Variants in TRAT1 observed in about 807,000 individuals in gnomAD.
TRAT1 encodes the protein T cell receptor associated transmembrane adaptor 1.
Under a neutral mutation model 20.0 loss-of-function variants are expected in TRAT1, and 20 were observed. That is an observed-to-expected ratio of 1.00 (90% CI 0.70 to 1.45). TRAT1 has a LOEUF of 1.45. TRAT1 is among the 40% of genes most tolerant of loss of function. The probability of loss-of-function intolerance (pLI) is 0.00; values close to 1 mark genes in which losing one functional copy is unlikely to be tolerated. For missense variants in TRAT1, 237 were observed against 224.1 expected, an observed-to-expected ratio of 1.06 and a Z score of -0.37; for synonymous variants, 77 against 74.2, an observed-to-expected ratio of 1.04 and a Z score of -0.20.
At chr3:108,827,372 A>AAG (rs1391551083) in intron 1 of TRAT1, among the ~76,000 whole-genome samples, 101 of 129,808 alleles carry the variant, frequency 7.8e-4, no homozygotes, top group African/African-American at 2.8e-3. Context: ...GGGAGGTATA[A>AAG]AGTATGTGTG....
chr3:108,847,491 A>G (rs928945337), intron 4 of TRAT1: 1 of 190,570 alleles, frequency 5.2e-6, no homozygotes, highest in Non-Finnish European at 1.1e-5. Context: ...CTCAATATAC[A>G]AAAGCAAATG....
At chr3:108,838,346 T>C (rs28658237) in intron 2 of TRAT1, among the ~76,000 whole-genome samples, 1 of 143,276 alleles carries the variant, frequency 7.0e-6, no homozygotes, top group Non-Finnish European at 1.5e-5. Flanking sequence ...AGATGATAGA[T>C]ATAGATAGAT....
rs781288166 is a variant in TRAT1 at position 108,853,765 on chromosome 3, C to G, written c.449C>G (p.Thr150Ser). Residue 150 changes from threonine to serine, a missense_variant, in exon 6 of 6, where the codon ACC (threonine) becomes AGC (serine). Physicochemically the swap from Thr to Ser is moderately conservative, Grantham distance 58. Coordinates refer to ENST00000295756, the MANE Select transcript of TRAT1 (RefSeq NM_016388.4). The stretch of plus-strand genomic sequence containing the variant: ...GCAATAGATGCCAGCGTTTCTAAGA[C>G]CACCTTAGTAGACAGTTTCTCCCCA... The part of the protein sequence containing the change: ...LHAIDASVSK[T>S]TLVDSFSPES... 4.3e-6 allele frequency: 7 copies of G among 1,614,136 alleles called. No individual in the cohort carries two copies. The South Asian group carries it at 6.6e-5, about 15-fold the overall frequency.
chr3:108,854,874 C>A lies in TRAT1; in HGVS notation c.*997C>A, dbSNP rs569275964. 27 of 152,046 alleles carry A rather than the reference C, an allele frequency of 1.8e-4. No homozygotes were observed. The highest frequency in any genetic ancestry group is 4.0e-4 in the Non-Finnish European group (27 of 67,906). 9.4% of individuals were successfully genotyped at this position (152,046 alleles called of 1,614,324 possible). A position where few individuals can be genotyped will look rare whatever the true frequency, so the allele number is the denominator to read the frequency against. On this transcript the variant is annotated 3_prime_UTR_variant, in exon 6 of 6. Transcript: ENST00000295756. ...TTAAAAAATACTGCTTCACTGTCTT[C>A]TCTCTGTTTCATCAGAAACACATAC...
rs1425445649 is a variant in TRAT1 at position 108,854,534 on chromosome 3, T to G, written c.*657T>G. On this transcript the variant is annotated 3_prime_UTR_variant, in exon 6 of 6. Transcript: ENST00000295756. The stretch of plus-strand genomic sequence containing the variant: ...CAGAGATAGTCACTTGGAGAAACTT[T>G]CTATATATCCTTCTAAATATTTTTC... The G allele has an allele frequency of 6.6e-6, 1 of 152,176 alleles. No homozygotes were observed. Among genetic ancestry groups the G allele is most frequent in the African/African-American group, 2.4e-5 (1 of 41,452 alleles). The allele number at this position is 152,176 out of a possible 1,614,324, so 9.4% of individuals were successfully genotyped here.
intron 1 of TRAT1, among the ~76,000 whole-genome samples, chr3:108,827,321 A>G (rs911817938): frequency 6.6e-6 from 1 of 152,044 alleles, no homozygotes. Context: ...CCACAGGAAT[A>G]TGGAGATATT....
At chr3:108,853,029 A>G (rs922416108) in intron 5 of TRAT1, among the ~76,000 whole-genome samples, 1 of 152,250 alleles carries the variant, frequency 6.6e-6, no homozygotes, top group African/African-American at 2.4e-5. Flanking sequence ...AATGAGCTCA[A>G]AAGGGAACTG....
intron 2 of TRAT1, among the ~76,000 whole-genome samples, chr3:108,831,195 C>A (rs9878290): frequency 0.011 from 1,604 of 152,276 alleles, 28 homozygotes; most frequent in African/African-American, 0.036. Flanking sequence ...GTCAGGCATT[C>A]TCACATGCAA....
At chr3:108,849,985 T>C (rs1238500542) in intron 5 of TRAT1, among the ~76,000 whole-genome samples, 1 of 152,258 alleles carries the variant, frequency 6.6e-6, no homozygotes, top group Non-Finnish European at 1.5e-5. Flanking sequence ...CCTGTCTTGT[T>C]ACTGCCTAGA....
intron 2 of TRAT1, among the ~76,000 whole-genome samples, chr3:108,838,418 G>C (rs907879424): frequency 1.3e-5 from 2 of 151,318 alleles, no homozygotes; most frequent in Admixed American, 1.3e-4. Flanking sequence ...ATTGATAAAA[G>C]AAAAGTCTCC....
At chr3:108,849,878 G>A (rs1945982461) in intron 5 of TRAT1, among the ~76,000 whole-genome samples, 1 of 152,124 alleles carries the variant, frequency 6.6e-6, no homozygotes, top group African/African-American at 2.4e-5. Flanking sequence ...TTCAGTTTTA[G>A]TTCTAACTTT....
At position 108,822,859 on chromosome 3, in the gene TRAT1, T is replaced by C; in HGVS notation, c.-69T>C. 1 of 1,454,832 alleles carries C rather than the reference T, an allele frequency of 6.9e-7. No individual in the cohort carries two copies. The highest frequency in any genetic ancestry group is 9.6e-7 in the Non-Finnish European group (1 of 1,041,730). The allele number at this position is 1,454,832 out of a possible 1,614,324, so 90.1% of individuals were successfully genotyped here. On this transcript the variant is annotated 5_prime_UTR_variant, in exon 1 of 6. Coordinates refer to ENST00000295756, the MANE Select transcript of TRAT1 (RefSeq NM_016388.4). ...GAGCAACATCACCTAGGAAAAAAGTTTGTAGGAGGATTTTTAATCCATATA... is the reference window on the plus strand; with the variant it reads ...GAGCAACATCACCTAGGAAAAAAGTCTGTAGGAGGATTTTTAATCCATATA...
At chr3:108,826,743 A>C (rs1945743191) in intron 1 of TRAT1, among the ~76,000 whole-genome samples, 1 of 152,220 alleles carries the variant, frequency 6.6e-6, no homozygotes, top group African/African-American at 2.4e-5. Context: ...AGCCAAGGAA[A>C]GCCATTAAGA....
At chr3:108,843,349 G>A (rs1945912305) in intron 3 of TRAT1, among the ~76,000 whole-genome samples, 1 of 152,086 alleles carries the variant, frequency 6.6e-6, no homozygotes, top group Non-Finnish European at 1.5e-5. Context: ...GGCCAACATA[G>A]TAAAACTCTG....
At chr3:108,844,242 T>G (rs1359456104) in intron 3 of TRAT1, among the ~76,000 whole-genome samples, 1 of 152,142 alleles carries the variant, frequency 6.6e-6, no homozygotes, top group Non-Finnish European at 1.5e-5. Context: ...AGAAATCAAC[T>G]AGTTTAATCT....
chr3:108,843,730 C>A (rs1945915843), intron 3 of TRAT1, among the ~76,000 whole-genome samples: 1 of 152,154 alleles, frequency 6.6e-6, no homozygotes, highest in Non-Finnish European at 1.5e-5. Flanking sequence ...CTCACTAATA[C>A]ACTGACTCTA....
intron 3 of TRAT1, among the ~76,000 whole-genome samples, chr3:108,844,862 AAAAAAAAG>A (rs1945927756): frequency 7.0e-6 from 1 of 143,354 alleles, no homozygotes; most frequent in African/African-American, 2.5e-5. Context: ...AAAAAAAAAA[AAAAAAAAG>A]AAATACGTGT....
At chr3:108,835,813 A>C (rs550732999) in intron 2 of TRAT1, among the ~76,000 whole-genome samples, 1 of 151,784 alleles carries the variant, frequency 6.6e-6, no homozygotes, top group African/African-American at 2.4e-5. Context: ...TTTCCCACAC[A>C]GTTTTTGTCT....
intron 5 of TRAT1, 23 bp from the exon 6 acceptor site, chr3:108,853,597 A>T: frequency 6.2e-7 from 1 of 1,604,590 alleles, no homozygotes; most frequent in Non-Finnish European, 8.5e-7. Flanking sequence ...TAACAATGAA[A>T]AATTAACATC....
Sources: allele counts gnomAD v4.1 joint callset (sites outside exome capture counted in the v4.1 genomes callset), GRCh38; gene constraint gnomAD v4.1.1; transcripts MANE v1.5; gene names NCBI Gene and HGNC (gene_info 2026-07-23, HGNC 2026-07-21).